Variants in DPP6 observed in about 807,000 individuals in gnomAD.
DPP6 encodes the protein A-type potassium channel modulatory protein DPP6.
DPP6 carries 69 observed loss-of-function variants against 122.6 expected under a neutral mutation model. The observed-to-expected ratio is 0.56, with a 90% CI of 0.46 to 0.69. DPP6 has a LOEUF of 0.69. Among genes scored for constraint, DPP6 ranks in the 30% least tolerant of loss-of-function variants. The pLI, the probability that DPP6 is intolerant of heterozygous loss-of-function variation, is 0.00. For missense variants in DPP6, 928 were observed against 1,116.9 expected (o/e 0.83, Z 2.41); for synonymous variants, 418 against 433.1 (o/e 0.97, Z 0.43).
At chr7:153,985,427 G>A (rs1796794463) in intron 1 of DPP6, among the ~76,000 whole-genome samples, 1 of 152,202 alleles carries the variant, frequency 6.6e-6, no homozygotes, top group Non-Finnish European at 1.5e-5. Flanking sequence ...ACAGTAGGAA[G>A]AAATTCTGTC....
intron 5 of DPP6, among the ~76,000 whole-genome samples, chr7:154,635,958 G>C (rs1411188401): frequency 6.6e-6 from 1 of 152,152 alleles, no homozygotes; most frequent in Non-Finnish European, 1.5e-5. Context: ...ACTGTATTCT[G>C]TTCATGAGGG....
In DPP6 at chr7:154,771,172, A is replaced by G. The variant is rs999928657; in HGVS notation, c.1038+1601A>G. ...AGAGGAGTGATAACTTATAAGGCAG[A>G]TATATGAGGCCAGTGAGGTTCCCAG... On this transcript the variant is annotated intron_variant, in intron 9 of 25. Transcript: ENST00000377770. Among the ~76,000 whole-genome samples the G allele has an allele frequency of 3.9e-5, 6 of 152,384 alleles. No homozygotes were observed. In the East Asian group the frequency reaches 1.2e-3, roughly 29 times the overall value.
rs1378979995 is a variant in DPP6, at chr7:153,945,385, A to G, written c.51+57651A>G. 2.6e-5 allele frequency among the ~76,000 whole-genome samples: 4 copies of G among 152,174 alleles called. 1 individual carries two copies. Among genetic ancestry groups the G allele is most frequent in the Admixed American group, 2.6e-4 (4 of 15,278 alleles). On this transcript the variant is annotated intron_variant, in intron 1 of 25. Transcript: ENST00000404039. ...GCCAGAAGCTGGGAGTCCAATCAGA[A>G]GGCGAATTGAGGTATCACAGAGCAG...
intron 15 of DPP6, among the ~76,000 whole-genome samples, chr7:154,805,596 C>T (rs1798647823): frequency 6.6e-6 from 1 of 152,210 alleles, no homozygotes; most frequent in African/African-American, 2.4e-5. Context: ...TTTCCCTTCT[C>T]AACAGCCCAA....
rs1428436853 is a variant in DPP6 at position 154,440,082 on chromosome 7, A to C, written c.244-6132A>C. On this transcript the variant is annotated intron_variant, in intron 1 of 25. Coordinates refer to ENST00000377770, the MANE Select transcript of DPP6 (RefSeq NM_130797.4). ...CTCTGCTTCCACTAAGATGATGATGATGATGTATAATTAATTGCCAGTCCT... is the reference window on the plus strand; with the variant it reads ...CTCTGCTTCCACTAAGATGATGATGCTGATGTATAATTAATTGCCAGTCCT... 2.0e-5 allele frequency among the ~76,000 whole-genome samples: 3 copies of C among 152,164 alleles called. No individual in the cohort carries two copies. In the East Asian group the frequency reaches 5.8e-4, roughly 29 times the overall value.
At chr7:154,872,164 C>T (rs73728629) in intron 18 of DPP6, among the ~76,000 whole-genome samples, 3 of 152,196 alleles carry the variant, frequency 2.0e-5, no homozygotes, top group Non-Finnish European at 2.9e-5. Flanking sequence ...ACCCTCTCCC[C>T]TCTAGGCGGC....
At chr7:154,865,774 C>G (rs1487125614) in intron 17 of DPP6, among the ~76,000 whole-genome samples, 2 of 152,132 alleles carry the variant, frequency 1.3e-5, no homozygotes, top group Admixed American at 6.5e-5. Flanking sequence ...GAGGACCTCT[C>G]CTCGGTCCTG....
intron 1 of DPP6, among the ~76,000 whole-genome samples, chr7:154,390,562 G>C (rs899553496): frequency 1.3e-5 from 2 of 152,194 alleles, no homozygotes; most frequent in Admixed American, 1.3e-4. Flanking sequence ...TTGTAAAACT[G>C]TAAGACATGG....
Position 154,412,672 on chromosome 7 carries a change from C to CT in DPP6, c.244-33533dup, listed in dbSNP as rs893393269. Among the ~76,000 whole-genome samples the CT allele has an allele frequency of 4.4e-3, 665 of 151,782 alleles. 6 individuals are homozygous for CT. The highest frequency in any genetic ancestry group is 0.014 in the African/African-American group (600 of 41,396). The stretch of plus-strand genomic sequence containing the variant: ...TTCCCACAATCCAGAGAAGCAATAT[C>CT]TTTTTTTTTCAACTTTAGAAATCTT... On this transcript the variant is annotated intron_variant, in intron 1 of 25. Transcript: ENST00000377770.
At chr7:153,914,907 C>G (rs1800240657) in intron 1 of DPP6, among the ~76,000 whole-genome samples, 1 of 152,182 alleles carries the variant, frequency 6.6e-6, no homozygotes, top group East Asian at 1.9e-4. Context: ...CTCTCCCAGT[C>G]TCATCCATAA....
At chr7:154,727,515 C>T (rs182917846) in intron 7 of DPP6, among the ~76,000 whole-genome samples, 1 of 152,266 alleles carries the variant, frequency 6.6e-6, no homozygotes, top group Admixed American at 6.5e-5. Context: ...AAGTATCAGA[C>T]CACAAATTGT....
intron 7 of DPP6, among the ~76,000 whole-genome samples, chr7:154,679,873 G>C (rs577809958): frequency 5.3e-4 from 80 of 152,238 alleles, no homozygotes; most frequent in African/African-American, 1.8e-3. Context: ...TGAGTGATTT[G>C]TTAGCACTAC....
At chr7:154,595,026 C>T (rs1178610990) in intron 5 of DPP6, among the ~76,000 whole-genome samples, 2 of 148,172 alleles carry the variant, frequency 1.3e-5, no homozygotes, top group East Asian at 2.0e-4. Flanking sequence ...TTTTTTTTGG[C>T]ATTGACGTTA....
chr7:154,077,089 A>T (rs1803611059), intron 1 of DPP6, among the ~76,000 whole-genome samples: 1 of 152,180 alleles, frequency 6.6e-6, no homozygotes, highest in Admixed American at 6.5e-5. Flanking sequence ...CTTTATTAAG[A>T]CCTCTATGTT....
intron 11 of DPP6, 48 bp from the exon 12 acceptor site, chr7:154,795,787 AAAAAAAAAAG>A (rs1163826077): frequency 6.6e-7 from 1 of 1,519,366 alleles, no homozygotes; most frequent in South Asian, 1.2e-5. Flanking sequence ...ATACATGCAA[AAAAAAAAAAG>A]AAAAGAAAAG....
chr7:153,864,576 G>A, the DPP6 span, among the ~76,000 whole-genome samples: 3 of 151,794 alleles, frequency 2.0e-5, no homozygotes, highest in Admixed American at 2.0e-4. Context: ...ACAATTGCTT[G>A]AACCCAGGAG....
chr7:154,136,543 A>G (rs1795566055), intron 1 of DPP6, among the ~76,000 whole-genome samples: 1 of 152,170 alleles, frequency 6.6e-6, no homozygotes, highest in African/African-American at 2.4e-5. Context: ...TGTTGTCAAT[A>G]CATTTTCAGA....
chr7:154,230,153 C>T (rs1245350570), intron 1 of DPP6, among the ~76,000 whole-genome samples: 1 of 152,062 alleles, frequency 6.6e-6, no homozygotes, highest in Non-Finnish European at 1.5e-5. Context: ...CCAACCCCTC[C>T]CTCCTATCCT....
chr7:154,874,174 T>G (rs1472687401), intron 19 of DPP6, among the ~76,000 whole-genome samples: 2 of 152,146 alleles, frequency 1.3e-5, no homozygotes, highest in Admixed American at 6.5e-5. Flanking sequence ...GCCTCCTTTC[T>G]CTTACTAAAC....
Sources: gnomAD v4.1 joint callset for allele counts (sites outside exome capture counted in the v4.1 genomes callset) on GRCh38, gnomAD v4.1.1 for gene constraint, MANE v1.5 for transcripts, NCBI Gene and HGNC (gene_info 2026-07-23, HGNC 2026-07-21) for gene names.